Variants in RPS6KA5 observed in about 807,000 individuals in gnomAD.
RPS6KA5 encodes the protein ribosomal protein S6 kinase alpha-5.
In RPS6KA5, 27 loss-of-function variants were observed where a neutral mutation model predicts 85.5. That is an observed-to-expected ratio of 0.32 (90% confidence interval 0.23 to 0.44). The LOEUF (loss-of-function observed/expected upper bound fraction) is 0.44. Ranked by LOEUF, RPS6KA5 falls within the 20% of genes least tolerant of loss-of-function variation. The probability of loss-of-function intolerance (pLI) is 1.00; values close to 1 mark genes in which losing one functional copy is unlikely to be tolerated. For synonymous variants in RPS6KA5, 334 were observed against 348.2 expected (o/e 0.96, Z 0.46); for missense variants, 811 against 980.9 (o/e 0.83, Z 2.31).
intron 2 of RPS6KA5, among the ~76,000 whole-genome samples, chr14:90,990,021 A>G (rs112166447): frequency 0.015 from 2,306 of 152,292 alleles, 54 homozygotes; most frequent in African/African-American, 0.053. Flanking sequence ...TTCAGAGAAT[A>G]AAGCAATTTG....
At chr14:90,879,349 AT>A (rs1406525359) in intron 14 of RPS6KA5, among the ~76,000 whole-genome samples, 1 of 152,224 alleles carries the variant, frequency 6.6e-6, no homozygotes. Context: ...GAGGTTCCCT[AT>A]GATCAACTGA....
chr14:90,994,561 ATTTTTT>A (rs935828871), intron 2 of RPS6KA5, among the ~76,000 whole-genome samples: 2 of 61,922 alleles, frequency 3.2e-5, no homozygotes, highest in Non-Finnish European at 6.5e-5. Context: ...GATGTTTGTG[ATTTTTT>A]TTTTTTTTTT....
In RPS6KA5 at chr14:90,872,304, T is replaced by C; in HGVS notation, c.2179A>G (p.Arg727Gly). 2 of 1,611,830 alleles carry C rather than the reference T, an allele frequency of 1.2e-6. No homozygotes were observed. Among genetic ancestry groups the C allele is most frequent in the Non-Finnish European group, 1.7e-6 (2 of 1,179,448 alleles). Residue 727 changes from arginine to glycine, a missense_variant, in exon 17 of 17, where the codon AGA (arginine) becomes GGA (glycine). Physicochemically the swap from Arg to Gly is moderately radical, Grantham distance 125 (BLOSUM62 -2). Coordinates refer to ENST00000614987, the MANE Select transcript of RPS6KA5 (RefSeq NM_004755.4). ...ATFHAFNKYK[R>G]EGFCLQNVDK... is the part of the protein sequence containing the mutation. ...ACATTCTGAAGGCAAAACCCCTCTC[T>C]CTTGTATTTGTTAAAGGCCTGGCGG...
chr14:91,026,350 C>T (rs2041990026), intron 1 of RPS6KA5, among the ~76,000 whole-genome samples: 1 of 152,150 alleles, frequency 6.6e-6, no homozygotes, highest in Admixed American at 6.5e-5. Flanking sequence ...CTCACCTCAG[C>T]TTCCCTAGGA....
At chr14:90,997,781 C>T (rs188680658) in intron 2 of RPS6KA5, among the ~76,000 whole-genome samples, 3 of 151,964 alleles carry the variant, frequency 2.0e-5, no homozygotes, top group South Asian at 2.1e-4. Context: ...GAGGCCAAGG[C>T]GGGCAGATCG....
chr14:90,950,953 T>C (rs1001316003), intron 3 of RPS6KA5, among the ~76,000 whole-genome samples: 10 of 151,464 alleles, frequency 6.6e-5, no homozygotes, highest in African/African-American at 2.4e-4. Context: ...AAACCCTGTC[T>C]CTACTAAAAA....
At chr14:91,028,849 C>T (rs947317607) in intron 1 of RPS6KA5, among the ~76,000 whole-genome samples, 6 of 152,160 alleles carry the variant, frequency 3.9e-5, no homozygotes, top group East Asian at 1.9e-4. Flanking sequence ...CTAATATACA[C>T]GCACATGGGT....
rs976323261 is a variant in RPS6KA5 at position 90,847,934 on chromosome 14, A to G, written c.*24140T>C. The G allele has an allele frequency of 1.3e-5, 2 of 152,254 alleles. No homozygotes were observed. The highest frequency in any genetic ancestry group is 4.8e-5 in the African/African-American group (2 of 41,472). The allele number at this position is 152,254 out of a possible 1,614,324, so 9.4% of individuals were successfully genotyped here. A position where few individuals can be genotyped will look rare whatever the true frequency, so the allele number is the denominator to read the frequency against. ...CATCTTTACACACACACAAGTTGGT[A>G]AAAAGTAAGCCCTTACTGCTTTGTT... On this transcript the variant is annotated 3_prime_UTR_variant, in exon 17 of 17. Coordinates refer to ENST00000614987, the MANE Select transcript of RPS6KA5 (RefSeq NM_004755.4).
At chr14:91,034,421 G>A (rs2042314834) in intron 1 of RPS6KA5, among the ~76,000 whole-genome samples, 1 of 152,092 alleles carries the variant, frequency 6.6e-6, no homozygotes, top group Non-Finnish European at 1.5e-5. Flanking sequence ...GGTCTAGCTA[G>A]AGGATTATAA....
At chr14:91,047,540 A>G (rs949343740) in intron 1 of RPS6KA5, among the ~76,000 whole-genome samples, 1 of 152,240 alleles carries the variant, frequency 6.6e-6, no homozygotes, top group Admixed American at 6.5e-5. Context: ...AGTTGTTTAA[A>G]TAACTGACTG....
At chr14:90,930,510 A>G (rs1012777505) in intron 5 of RPS6KA5, among the ~76,000 whole-genome samples, 4 of 152,226 alleles carry the variant, frequency 2.6e-5, no homozygotes, top group African/African-American at 9.6e-5. Flanking sequence ...CACCAAAAGC[A>G]CAGACAACAA....
intron 1 of RPS6KA5, among the ~76,000 whole-genome samples, chr14:91,059,384 A>G (rs1350429732): frequency 6.6e-6 from 1 of 152,090 alleles, no homozygotes; most frequent in African/African-American, 2.4e-5. Context: ...CAGCTCTGTC[A>G]AAAACCTTCA....
chr14:90,883,136 T>A (rs1426275830), intron 14 of RPS6KA5, among the ~76,000 whole-genome samples: 1 of 152,188 alleles, frequency 6.6e-6, no homozygotes, highest in Admixed American at 6.5e-5. Context: ...TTGAATTTTG[T>A]TGAATTTCTT....
chr14:91,053,056 C>A (rs781491671), intron 1 of RPS6KA5, among the ~76,000 whole-genome samples: 7 of 152,022 alleles, frequency 4.6e-5, no homozygotes, highest in Non-Finnish European at 8.8e-5. Flanking sequence ...ACAAGGTTGG[C>A]TTAACATTCA....
intron 9 of RPS6KA5, among the ~76,000 whole-genome samples, chr14:90,902,010 G>C (rs1463963030): frequency 6.8e-6 from 1 of 147,064 alleles, no homozygotes; most frequent in South Asian, 2.2e-4. Flanking sequence ...GTAAGACCCT[G>C]TTTCTACAAT....
In RPS6KA5 at chr14:90,850,936, A is replaced by C. The variant is rs193258737; in HGVS notation, c.*21138T>G. ...GTACACCATAAATTTGTACTAGAAC[A>C]ATACCCATAAATATAAAAAATCTAC... is the stretch of plus-strand genomic sequence containing the variant. On this transcript the variant is annotated 3_prime_UTR_variant, in exon 17 of 17. Transcript: ENST00000614987. 346 of 152,362 alleles carry C rather than the reference A, an allele frequency of 2.3e-3. 2 individuals carry two copies. The highest frequency in any genetic ancestry group is 8.0e-3 in the African/African-American group (333 of 41,580). 9.4% of individuals were successfully genotyped at this position (152,362 alleles called of 1,614,324 possible). A position where few individuals can be genotyped will look rare whatever the true frequency, so the allele number is the denominator to read the frequency against.
At position 90,918,043 on chromosome 14, in the gene RPS6KA5, T is replaced by A. The variant is rs1438914445; in HGVS notation, c.806+2163A>T. 4.6e-5 allele frequency among the ~76,000 whole-genome samples: 7 copies of A among 152,366 alleles called. No homozygotes were observed. The East Asian group carries it at 1.2e-3, about 25-fold the overall frequency. ...AGACATATGTTTTCATTTCCCTTGG[T>A]AATTACCCAGGAATGGAATGGACAG... On this transcript the variant is annotated intron_variant, in intron 7 of 16. Coordinates refer to ENST00000614987, the MANE Select transcript of RPS6KA5 (RefSeq NM_004755.4).
chr14:91,006,851 G>A (rs952647278), intron 1 of RPS6KA5, among the ~76,000 whole-genome samples: 7 of 152,166 alleles, frequency 4.6e-5, no homozygotes, highest in Non-Finnish European at 7.4e-5. Context: ...TTATGGGCAT[G>A]AGCCACCGCA....
chr14:90,893,938 G>A (rs2034692396), intron 13 of RPS6KA5: 3 of 790,692 alleles, frequency 3.8e-6, no homozygotes, highest in African/African-American at 1.9e-5. Flanking sequence ...ATAGAAAGAC[G>A]GCATAACTAA....
Sources: gnomAD v4.1 joint callset for allele counts (sites outside exome capture counted in the v4.1 genomes callset) on GRCh38, gnomAD v4.1.1 for gene constraint, MANE v1.5 for transcripts, NCBI Gene and HGNC (gene_info 2026-07-23, HGNC 2026-07-21) for gene names.